The following PPP1R9A variants were observed in gnomAD, a reference collection of about 807,000 sequenced individuals.
The protein encoded by PPP1R9A is neurabin-1.
PPP1R9A carries 59 observed loss-of-function variants against 141.9 expected under a neutral mutation model. That is an observed-to-expected ratio of 0.42 (90% CI 0.34 to 0.52). The LOEUF (loss-of-function observed/expected upper bound fraction) is 0.52. PPP1R9A is among the 20% of genes least tolerant of loss of function. PPP1R9A has a pLI of 0.10. For synonymous variants in PPP1R9A, 500 were observed against 569.7 expected, an observed-to-expected ratio of 0.88 and a Z score of 1.74; for missense variants, 1,444 against 1,611.9, an observed-to-expected ratio of 0.90 and a Z score of 1.78.
chr7:95,134,640 G>T (rs990719369), intron 4 of PPP1R9A, among the ~76,000 whole-genome samples: 1 of 152,024 alleles, frequency 6.6e-6, no homozygotes, highest in Non-Finnish European at 1.5e-5. Context: ...TCTTCATGTT[G>T]GTCAAGCTGG....
chr7:94,917,375 T>A (rs993866236), intron 2 of PPP1R9A, among the ~76,000 whole-genome samples: 1 of 152,132 alleles, frequency 6.6e-6, no homozygotes, highest in Non-Finnish European at 1.5e-5. Flanking sequence ...TTATTTGTAA[T>A]AGAAATATTT....
rs149801304 is a variant in PPP1R9A, at chr7:95,262,171, G to A, written c.2666-6379G>A. The stretch of plus-strand genomic sequence containing the variant: ...AAAACACAGAATCTTGCTTATTGTT[G>A]CCATGTCAAAGACACTACAATATCA... On this transcript the variant is annotated intron_variant, in intron 12 of 19. Coordinates refer to ENST00000433360, the MANE Select transcript of PPP1R9A (RefSeq NM_001166160.2). 2.0e-5 allele frequency among the ~76,000 whole-genome samples: 3 copies of A among 152,194 alleles called. No homozygotes were observed. In the East Asian group the frequency reaches 5.8e-4, roughly 29 times the overall value.
At position 94,970,047 on chromosome 7, in the gene PPP1R9A, C is replaced by T. The variant is rs146660230; in HGVS notation, c.1395+58539C>T. ...CGACTTCATACTGCTGTGCTGGCAA[C>T]GAGAGTTTCAAGCCAGTGGGTCTTA... is the stretch of plus-strand genomic sequence containing the variant. On this transcript the variant is annotated intron_variant, in intron 2 of 19. Coordinates refer to ENST00000433360, the MANE Select transcript of PPP1R9A (RefSeq NM_001166160.2). 5.8e-3 allele frequency among the ~76,000 whole-genome samples: 878 copies of T among 152,236 alleles called. 11 individuals are homozygous for T. Among genetic ancestry groups the T allele is most frequent in the African/African-American group, 0.02 (833 of 41,544 alleles).
chr7:95,098,940 A>G, intron 2 of PPP1R9A, among the ~76,000 whole-genome samples: 1 of 152,062 alleles, frequency 6.6e-6, no homozygotes, highest in Non-Finnish European at 1.5e-5. Context: ...CGCTCAAGAG[A>G]AGCTCTCAAA....
Position 95,269,656 on chromosome 7 carries a change from C to T in PPP1R9A, c.3124+149C>T, listed in dbSNP as rs1367352685. The T allele has an allele frequency of 5.8e-5, 35 of 602,580 alleles. No homozygotes were observed. In the Admixed American group the frequency reaches 1.3e-3, roughly 23 times the overall value. 37.3% of individuals were successfully genotyped at this position (602,580 alleles called of 1,614,324 possible). A position where few individuals can be genotyped will look rare whatever the true frequency, so the allele number is the denominator to read the frequency against. Reference sequence around the variant, plus strand: ...ATATTATAGAATAAGAGAAACAACCCCTCCATGTATTTTACTTTAATTTAG... The same window carrying T: ...ATATTATAGAATAAGAGAAACAACCTCTCCATGTATTTTACTTTAATTTAG... On this transcript the variant is annotated intron_variant, in intron 14 of 19. Transcript: ENST00000433360.
rs145545429 is a variant in PPP1R9A at position 95,089,351 on chromosome 7, TTGTC to T, written c.1396-21906_1396-21903del. On this transcript the variant is annotated intron_variant, in intron 2 of 19. Coordinates refer to ENST00000433360, the MANE Select transcript of PPP1R9A (RefSeq NM_001166160.2). The stretch of plus-strand genomic sequence containing the variant: ...CATGTGAAAGGACTCATTTTGCTGC[TTGTC>T]TTTTTTATAGAGAACCATTCTGAAA... 4.6e-3 allele frequency among the ~76,000 whole-genome samples: 697 copies of T among 152,160 alleles called. 11 individuals are homozygous for T. The highest frequency in any genetic ancestry group is 0.016 in the African/African-American group (672 of 41,410).
At chr7:94,978,964 T>C (rs1337472512) in intron 2 of PPP1R9A, among the ~76,000 whole-genome samples, 1 of 152,090 alleles carries the variant, frequency 6.6e-6, no homozygotes, top group East Asian at 1.9e-4. Flanking sequence ...GCCCAGCTAA[T>C]TTTTGTATTT....
chr7:95,205,939 A>T (rs78462671), intron 7 of PPP1R9A, among the ~76,000 whole-genome samples: 1 of 151,996 alleles, frequency 6.6e-6, no homozygotes, highest in Non-Finnish European at 1.5e-5. Flanking sequence ...ATCACACTAA[A>T]CCACAATCTT....
Position 94,911,017 on chromosome 7 carries a change from G to C in PPP1R9A, c.904G>C (p.Glu302Gln). Residue 302 changes from glutamate (E) to glutamine (Q), a missense_variant, in exon 2 of 20, where the codon GAA (glutamate) becomes CAA (glutamine). This residue lies in a region of PPP1R9A where 490 missense variants were observed against 521.1 expected (regional missense o/e 0.94). Transcript: ENST00000433360. ...TGGTGAAGAGATCCAGCAGAGCAAG[G>C]AACCCGAGGACTCCACATCTAATCA... ...IPGEEIQQSK[E>Q]PEDSTSNQQT... is the part of the protein sequence containing the mutation. 6.2e-7 allele frequency: 1 copy of C among 1,614,058 alleles called. No homozygotes were observed. Among genetic ancestry groups the C allele is most frequent in the East Asian group, 2.2e-5 (1 of 44,880 alleles).
At chr7:94,975,389 T>C (rs1209165068) in intron 2 of PPP1R9A, among the ~76,000 whole-genome samples, 1 of 146,490 alleles carries the variant, frequency 6.8e-6, no homozygotes, top group African/African-American at 2.5e-5. Context: ...TTTTTAAGGA[T>C]TAAGATCCTT....
chr7:95,150,709 T>G (rs891533824), intron 4 of PPP1R9A, among the ~76,000 whole-genome samples: 4 of 152,146 alleles, frequency 2.6e-5, no homozygotes, highest in Non-Finnish European at 4.4e-5. Flanking sequence ...TAAGTAGTGT[T>G]AACGGAATGA....
At chr7:95,156,501 T>A (rs1400688567) in intron 4 of PPP1R9A, 1 of 152,436 alleles carries the variant, frequency 6.6e-6, no homozygotes, top group Non-Finnish European at 1.5e-5. Flanking sequence ...TCCCGAGTTC[T>A]TGTCCTGCAA....
intron 2 of PPP1R9A, among the ~76,000 whole-genome samples, chr7:94,970,157 G>T (rs947183289): frequency 6.6e-6 from 1 of 152,204 alleles, no homozygotes; most frequent in African/African-American, 2.4e-5. Context: ...GGAGTGAACG[G>T]TTCTGTCTCA....
intron 2 of PPP1R9A, among the ~76,000 whole-genome samples, chr7:95,021,229 T>G (rs2151722665): frequency 6.6e-6 from 1 of 152,324 alleles, no homozygotes; most frequent in East Asian, 1.9e-4. Flanking sequence ...TGACCAGTGA[T>G]GATGAGCATT....
In PPP1R9A at chr7:95,290,783, C is replaced by T. The variant is rs1563575124; in HGVS notation, c.*480C>T. The T allele has an allele frequency of 6.2e-6, 1 of 162,158 alleles. No homozygotes were observed. The highest frequency in any genetic ancestry group is 1.4e-5 in the Non-Finnish European group (1 of 73,528). 10.0% of individuals were successfully genotyped at this position (162,158 alleles called of 1,614,324 possible). ...TTAACTTCTAGGACTGCAACACCTA[C>T]TCCAATGTGTGGGAAAGATTTGCTC... is the stretch of plus-strand genomic sequence containing the variant. On this transcript the variant is annotated 3_prime_UTR_variant, in exon 20 of 20. Transcript: ENST00000433360.
chr7:95,172,749 T>A (rs1415336789), intron 5 of PPP1R9A, among the ~76,000 whole-genome samples: 1 of 151,844 alleles, frequency 6.6e-6, no homozygotes, highest in Non-Finnish European at 1.5e-5. Flanking sequence ...AGTAAAAATT[T>A]TAGAAGATTA....
Position 94,910,329 on chromosome 7 carries a change from G to T in PPP1R9A, c.216G>T (p.Gln72His). 1 of 1,614,072 alleles carries T rather than the reference G, an allele frequency of 6.2e-7. No individual in the cohort carries two copies. Among genetic ancestry groups the T allele is most frequent in the Non-Finnish European group, 8.5e-7 (1 of 1,179,986 alleles). Reference protein sequence around the residue: ...NVNRIKNLFMQMGMEPNENAA... With the variant: ...NVNRIKNLFMHMGMEPNENAA... ...ACAGAATTAAAAACCTATTTATGCA[G>T]ATGGGTATGGAACCCAACGAGAATG... Residue 72 changes from glutamine (Q) to histidine (H), a missense_variant, in exon 2 of 20, where the codon CAG (glutamine) becomes CAT (histidine). Gln to His is a conservative substitution (Grantham distance 24, BLOSUM62 0). Transcript: ENST00000433360. This position sits in a 1 kb window ranked among gnomAD's most constrained non-coding sequence, Gnocchi z 4.5.
intron 2 of PPP1R9A, among the ~76,000 whole-genome samples, chr7:95,072,975 A>G (rs542498542): frequency 1.5e-5 from 2 of 131,648 alleles, no homozygotes; most frequent in African/African-American, 2.9e-5. Context: ...TATATAATAT[A>G]ATAATAATAT....
chr7:95,163,783 A>G (rs1830776165), intron 5 of PPP1R9A, among the ~76,000 whole-genome samples: 1 of 152,048 alleles, frequency 6.6e-6, no homozygotes, highest in Non-Finnish European at 1.5e-5. Context: ...TCTGTCACCC[A>G]GGCTGGAGTG....
Sources: allele counts gnomAD v4.1 joint callset (sites outside exome capture counted in the v4.1 genomes callset), GRCh38; gene constraint gnomAD v4.1.1; regional missense constraint gnomAD v4.1.1; non-coding constraint Gnocchi (gnomAD v3.1); transcripts MANE v1.5; gene names NCBI Gene and HGNC (gene_info 2026-07-23, HGNC 2026-07-21).